Variants in HAGH observed in about 807,000 individuals in gnomAD.
HAGH encodes the protein hydroxyacylglutathione hydrolase, also known as hydroxyacylglutathione hydrolase, mitochondrial.
HAGH carries 29 observed loss-of-function variants against 35.1 expected under a neutral mutation model. The ratio of observed to expected loss-of-function variants is 0.83; its 90% CI spans 0.62 to 1.13. The LOEUF is 1.13. HAGH is among the 50% of genes most tolerant of loss of function. The pLI, the probability that HAGH is intolerant of heterozygous loss-of-function variation, is 0.00. For missense variants in HAGH, 478 were observed against 419.6 expected (o/e 1.14, Z -1.22); for synonymous variants, 225 against 176.1 (o/e 1.28, Z -2.20).
chr16:1,811,477 C>G (rs887299036), intron 7 of HAGH, among the ~76,000 whole-genome samples: 3 of 69,362 alleles, frequency 4.3e-5, no homozygotes, highest in Non-Finnish European at 6.4e-5. Context: ...CTGGGGGAGG[C>G]TGAGGCAGGT....
At chr16:1,809,607 A>T (rs1897545414) in intron 8 of HAGH, 147 bp downstream of exon 8, 7 of 721,604 alleles carry the variant, frequency 9.7e-6, no homozygotes, top group Non-Finnish European at 1.4e-5. Context: ...CCCCCTCAAG[A>T]AGAGTGCTCG....
At position 1,823,050 on chromosome 16, in the gene HAGH, A is replaced by G. The variant is rs772177929; in HGVS notation, c.77-13T>C. 1.1e-5 allele frequency: 17 copies of G among 1,612,264 alleles called. No homozygotes were observed. The highest frequency in any genetic ancestry group is 1.4e-5 in the Non-Finnish European group (17 of 1,179,450). Reference sequence around the variant, plus strand: ...AGCAGGGCTGGACCTGCAGACACAGAGCACAACTCAGCGGGCAGCCGCGCC... The same window carrying G: ...AGCAGGGCTGGACCTGCAGACACAGGGCACAACTCAGCGGGCAGCCGCGCC... On this transcript the variant is annotated splice_polypyrimidine_tract_variant and intron_variant, in intron 1 of 8. Coordinates refer to ENST00000397356, the MANE Select transcript of HAGH (RefSeq NM_005326.6).
chr16:1,820,047 CTGAGCTGAGGGGGCTGCCT>C (rs766276752), intron 3 of HAGH, 33 bp from the exon 4 acceptor site: 1 of 401,684 alleles, frequency 2.5e-6, no homozygotes, highest in South Asian at 2.8e-5. Flanking sequence ...GGGCTGCCTG[CTGAGCTGAGGGGGCTGCCT>C]GCTGAGCTGA....
Position 1,809,764 on chromosome 16 carries a change from T to C in HAGH, c.817A>G (p.Met273Val). Reference protein sequence around the residue: ...LAEEFTYNPFMRVREKTVQQH... With the variant: ...LAEEFTYNPFVRVREKTVQQH... ...TGCCCTGGGCCTCACCTCACTCTCA[T>C]GAAGGGGTTGTAGGTAAACTCCTCT... The change falls in exon 8 of 9, where the codon ATG becomes GTG. Residue 273 changes from methionine to valine, a missense_variant. Transcript: ENST00000397356. The C allele has an allele frequency of 6.2e-7, 1 of 1,612,070 alleles. No homozygotes were observed. Among genetic ancestry groups the C allele is most frequent in the South Asian group, 1.1e-5 (1 of 91,056 alleles).
chr16:1,823,863 A>G (rs1230216518), intron 1 of HAGH, among the ~76,000 whole-genome samples: 6 of 149,708 alleles, frequency 4.0e-5, no homozygotes, highest in African/African-American at 1.5e-4. Flanking sequence ...TACGATCTCT[A>G]TTTTCTTTTT....
chr16:1,818,594 C>T, intron 5 of HAGH: 1 of 153,818 alleles, frequency 6.5e-6, no homozygotes, highest in Non-Finnish European at 1.4e-5. Context: ...CAGTAACAAG[C>T]ACGGGAGGCA....
rs191852314 is a variant in HAGH, at chr16:1,811,945, C to T, written c.748-2112G>A. ...TTGGCACATGCCTGTAATCCCAGCA[C>T]TTTGGGAGGCCAAGGCAGGAGGATC... On this transcript the variant is annotated intron_variant, in intron 7 of 8. Coordinates refer to ENST00000397356, the MANE Select transcript of HAGH (RefSeq NM_005326.6). Among the ~76,000 whole-genome samples, 401 of 152,184 alleles carry T rather than the reference C, an allele frequency of 2.6e-3. 3 individuals are homozygous for T. The highest frequency in any genetic ancestry group is 4.1e-3 in the Admixed American group (62 of 15,282).
intron 3 of HAGH, chr16:1,821,615 A>G (rs1358087340): frequency 1.3e-5 from 2 of 152,200 alleles, no homozygotes; most frequent in Non-Finnish European, 2.9e-5. Context: ...TAAAAACCCA[A>G]CCTCTCCAGA....
chr16:1,809,026 G>T lies in HAGH; in HGVS notation c.*257C>A. 2.1e-6 allele frequency: 1 copy of T among 487,696 alleles called. No individual in the cohort carries two copies. Among genetic ancestry groups the T allele is most frequent in the Non-Finnish European group, 3.7e-6 (1 of 272,306 alleles). The allele number at this position is 487,696 out of a possible 1,614,324, so 30.2% of individuals were successfully genotyped here. ...AAGCGTGGGTGGGGGGACTGCAGTG[G>T]CTCACGGAGGAGGAAGGAGGCCCGA... On this transcript the variant is annotated 3_prime_UTR_variant, in exon 9 of 9. Coordinates refer to ENST00000397356, the MANE Select transcript of HAGH (RefSeq NM_005326.6).
At chr16:1,817,736 CT>C (rs1897971184) in intron 5 of HAGH, among the ~76,000 whole-genome samples, 1 of 152,222 alleles carries the variant, frequency 6.6e-6, no homozygotes, top group East Asian at 1.9e-4. Flanking sequence ...CGCTGGGCAC[CT>C]CAGGCGCACC....
Position 1,819,954 on chromosome 16 carries a change from C to G in HAGH, c.375G>C (p.Gly125=), listed in dbSNP as rs1295366843. The change falls in exon 4 of 9, where the codon GGG becomes GGC. Residue 125 remains glycine (G), a synonymous_variant. Transcript: ENST00000397356. The stretch of plus-strand genomic sequence containing the variant: ...TCAGGGCCCCGATACGGTCGTCACC[C>G]CCGTACACCTTCAGTCCCGACTCCA... ...VKLESGLKVY[G]GDDRIGALTH... 15 of 1,613,454 alleles carry G rather than the reference C, an allele frequency of 9.3e-6. No homozygotes were observed. The highest frequency in any genetic ancestry group is 4.5e-5 in the East Asian group (2 of 44,870).
At chr16:1,825,694 C>T (rs1285019744) in intron 1 of HAGH, among the ~76,000 whole-genome samples, 1 of 152,196 alleles carries the variant, frequency 6.6e-6, no homozygotes, top group African/African-American at 2.4e-5. Flanking sequence ...CCACCTCAGC[C>T]TCCAAAGTGA....
At chr16:1,814,912 T>A (rs1397568293) in intron 7 of HAGH, among the ~76,000 whole-genome samples, 1 of 127,866 alleles carries the variant, frequency 7.8e-6, no homozygotes, top group Non-Finnish European at 1.6e-5. Context: ...AACAAACAAA[T>A]AAATATATAT....
chr16:1,817,609 T>G (rs999035247), intron 5 of HAGH, among the ~76,000 whole-genome samples: 1 of 152,202 alleles, frequency 6.6e-6, no homozygotes, highest in Non-Finnish European at 1.5e-5. Context: ...GGCCCATGCC[T>G]GGCTCCCATC....
intron 3 of HAGH, chr16:1,821,463 C>T (rs1342838419): frequency 1.3e-5 from 2 of 152,336 alleles, no homozygotes; most frequent in East Asian, 3.9e-4. Context: ...TGCCCTCGGG[C>T]GCTTGCTTGG....
intron 5 of HAGH, 159 bp downstream of exon 5, chr16:1,818,956 A>C: frequency 1.7e-6 from 1 of 600,636 alleles, no homozygotes; most frequent in Non-Finnish European, 3.0e-6. Context: ...CATGGGAGGA[A>C]TCGGCCAGCC....
intron 7 of HAGH, among the ~76,000 whole-genome samples, chr16:1,814,799 G>A (rs932186255): frequency 2.0e-5 from 3 of 152,012 alleles, no homozygotes; most frequent in Admixed American, 1.3e-4. Context: ...TTGGGAGGCT[G>A]AGGCAGGAGA....
chr16:1,826,263 C>T (rs1898411426), intron 1 of HAGH, among the ~76,000 whole-genome samples: 1 of 151,444 alleles, frequency 6.6e-6, no homozygotes, highest in Non-Finnish European at 1.5e-5. Flanking sequence ...GACGGGGGCT[C>T]CGGCGCCGGG....
In HAGH at chr16:1,808,673, C is replaced by T. The variant is rs948769446; in HGVS notation, c.*610G>A. On this transcript the variant is annotated 3_prime_UTR_variant, in exon 9 of 9. Coordinates refer to ENST00000397356, the MANE Select transcript of HAGH (RefSeq NM_005326.6). ...ATAGACCCTCTGCCACCAGCCACAC[C>T]CAGAGCCGGGGCAGGACATGTGGCC... 6.6e-6 allele frequency: 1 copy of T among 152,426 alleles called. No individual in the cohort carries two copies. Among genetic ancestry groups the T allele is most frequent in the Admixed American group, 6.6e-5 (1 of 15,264 alleles). 9.4% of individuals were successfully genotyped at this position (152,426 alleles called of 1,614,324 possible). A position where few individuals can be genotyped will look rare whatever the true frequency, so the allele number is the denominator to read the frequency against.
Sources: allele counts gnomAD v4.1 joint callset (sites outside exome capture counted in the v4.1 genomes callset), GRCh38; gene constraint gnomAD v4.1.1; transcripts MANE v1.5; gene names NCBI Gene and HGNC (gene_info 2026-07-23, HGNC 2026-07-21).